Variants in SNX10 observed in about 807,000 individuals in gnomAD.
The protein encoded by SNX10 is sorting nexin-10.
SNX10 carries 25 observed loss-of-function variants against 28.5 expected under a neutral mutation model. The ratio of observed to expected loss-of-function variants is 0.88; its 90% CI spans 0.64 to 1.22. The LOEUF is 1.22. Ranked by LOEUF, SNX10 falls within the 50% of genes most tolerant of loss-of-function variation. The pLI is 0.00. For missense variants in SNX10, 223 were observed against 242.6 expected (o/e 0.92, Z 0.54); for synonymous variants, 62 against 81.4 (o/e 0.76, Z 1.28).
At chr7:26,295,024 A>G (rs1786057812) in intron 1 of SNX10, among the ~76,000 whole-genome samples, 1 of 152,216 alleles carries the variant, frequency 6.6e-6, no homozygotes, top group Admixed American at 6.5e-5. Flanking sequence ...CCTTGCTCCC[A>G]GTTTCTGCAG....
At chr7:26,302,819 C>T (rs925948380) in intron 1 of SNX10, among the ~76,000 whole-genome samples, 6 of 152,062 alleles carry the variant, frequency 3.9e-5, no homozygotes, top group Non-Finnish European at 7.4e-5. Context: ...GAGGCCGAGG[C>T]GGGTGGATCA....
intron 1 of SNX10, among the ~76,000 whole-genome samples, chr7:26,310,827 C>T (rs1438532135): frequency 2.0e-5 from 3 of 151,974 alleles, no homozygotes; most frequent in African/African-American, 4.8e-5. Flanking sequence ...GAACTACAGG[C>T]GCCTGCCACC....
chr7:26,342,313 C>T lies in SNX10; in HGVS notation c.-23-4107C>T, dbSNP rs566369253. Reference sequence around the variant, plus strand: ...AAGTGTTGGGATTACAGGCGTGAGCCACTGCGCCTGGCCTCAGGGAGCAAT... The same window carrying T: ...AAGTGTTGGGATTACAGGCGTGAGCTACTGCGCCTGGCCTCAGGGAGCAAT... On this transcript the variant is annotated intron_variant, in intron 1 of 6. Transcript: ENST00000338523. Among the ~76,000 whole-genome samples, 11 of 152,172 alleles carry T rather than the reference C, an allele frequency of 7.2e-5. No individual in the cohort carries two copies. In the South Asian group the frequency reaches 2.1e-3, roughly 29 times the overall value.
intron 1 of SNX10, among the ~76,000 whole-genome samples, chr7:26,343,954 A>G (rs1267746889): frequency 6.6e-6 from 1 of 152,086 alleles, no homozygotes; most frequent in Non-Finnish European, 1.5e-5. Context: ...CCATTCTTTA[A>G]AGTTTTGTTT....
chr7:26,338,858 A>T lies in SNX10; in HGVS notation c.-23-7562A>T, dbSNP rs555018707. ...GGGATGGCAGAACTGCTTGAGCCAGATTACCACTCTGGGTGATATCAGCTG... is the reference window on the plus strand; with the variant it reads ...GGGATGGCAGAACTGCTTGAGCCAGTTTACCACTCTGGGTGATATCAGCTG... On this transcript the variant is annotated intron_variant, in intron 1 of 6. Transcript: ENST00000338523. 4.6e-5 allele frequency among the ~76,000 whole-genome samples: 7 copies of T among 152,262 alleles called. No individual in the cohort carries two copies. In the South Asian group the frequency reaches 1.5e-3, roughly 32 times the overall value.
chr7:26,340,789 C>T (rs1023995195), intron 1 of SNX10, among the ~76,000 whole-genome samples: 3 of 152,166 alleles, frequency 2.0e-5, no homozygotes, highest in African/African-American at 7.2e-5. Context: ...ATTTTAGAGA[C>T]AGAGTCTCGC....
intron 2 of SNX10, among the ~76,000 whole-genome samples, chr7:26,353,743 C>T (rs1354535206): frequency 2.0e-5 from 3 of 152,274 alleles, no homozygotes; most frequent in African/African-American, 4.8e-5. Flanking sequence ...TGAGCCACCA[C>T]GCCCAGCCCA....
intron 2 of SNX10, chr7:26,360,654 C>A: frequency 7.3e-6 from 2 of 273,658 alleles, no homozygotes; most frequent in South Asian, 6.3e-5. Context: ...TGAAAAAAAC[C>A]TGAACCAATT....
intron 1 of SNX10, among the ~76,000 whole-genome samples, chr7:26,325,716 G>A (rs904498162): frequency 6.4e-5 from 9 of 140,230 alleles, no homozygotes; most frequent in African/African-American, 2.2e-4. Flanking sequence ...TGAAGTATAC[G>A]AAACAAAATT....
intron 2 of SNX10, among the ~76,000 whole-genome samples, chr7:26,353,392 TG>T (rs1475356212): frequency 6.6e-6 from 1 of 150,766 alleles, no homozygotes; most frequent in Non-Finnish European, 1.5e-5. Flanking sequence ...AATTGTTATA[TG>T]GGGGTCCTGA....
At position 26,372,524 on chromosome 7, in the gene SNX10, C is replaced by T. The variant is rs530438049; in HGVS notation, c.558C>T (p.Asp186=). 1.9e-6 allele frequency: 3 copies of T among 1,609,658 alleles called. No homozygotes were observed. Among genetic ancestry groups the T allele is most frequent in the African/African-American group, 2.7e-5 (2 of 74,920 alleles). ...SSSGLGHSSD[D]SSSHGCKVNT... ...CTGGGCTTGGACACAGTAGTGATGACAGCAGTTCACATGGATGTAAAGTAA... is the reference window on the plus strand; with the variant it reads ...CTGGGCTTGGACACAGTAGTGATGATAGCAGTTCACATGGATGTAAAGTAA... Residue 186 remains aspartate, a synonymous_variant, in exon 7 of 7, where the codon GAC becomes GAT. Transcript: ENST00000338523.
At chr7:26,352,548 C>T (rs972613061) in intron 2 of SNX10, among the ~76,000 whole-genome samples, 2 of 152,140 alleles carry the variant, frequency 1.3e-5, no homozygotes, top group African/African-American at 4.8e-5. Flanking sequence ...GAGCTATATC[C>T]CCACCCCACC....
chr7:26,368,684 A>G (rs540471665), intron 5 of SNX10, among the ~76,000 whole-genome samples: 2 of 152,298 alleles, frequency 1.3e-5, no homozygotes, highest in East Asian at 3.9e-4. Context: ...CTAGTGTTGA[A>G]CCATGACAGC....
At chr7:26,367,918 T>C (rs1029764198) in intron 5 of SNX10, among the ~76,000 whole-genome samples, 1 of 152,234 alleles carries the variant, frequency 6.6e-6, no homozygotes, top group East Asian at 1.9e-4. Context: ...ATGTGAGTTT[T>C]GAAGTTATGA....
chr7:26,371,007 T>C (rs907864991), intron 5 of SNX10, among the ~76,000 whole-genome samples: 1 of 152,222 alleles, frequency 6.6e-6, no homozygotes, highest in African/African-American at 2.4e-5. Flanking sequence ...GAAAACACAT[T>C]CACTAATATG....
At chr7:26,346,657 G>A (rs1049702479) in intron 2 of SNX10, among the ~76,000 whole-genome samples, 191 bp downstream of exon 2, 1 of 152,116 alleles carries the variant, frequency 6.6e-6, no homozygotes, top group East Asian at 1.9e-4. Context: ...GGGTTCCAGT[G>A]ACTCAGCTGT....
At chr7:26,331,984 A>G (rs1787766999) in intron 1 of SNX10, among the ~76,000 whole-genome samples, 1 of 152,236 alleles carries the variant, frequency 6.6e-6, no homozygotes, top group South Asian at 2.1e-4. Context: ...GAGTAGATAT[A>G]CCGCATTTTG....
At chr7:26,363,093 C>T (rs76380948) in intron 3 of SNX10, among the ~76,000 whole-genome samples, 1 of 152,320 alleles carries the variant, frequency 6.6e-6, no homozygotes, top group East Asian at 1.9e-4. Context: ...TCTGGTATAA[C>T]ATGGTCTGCA....
At chr7:26,294,380 C>A (rs1268343303) in intron 1 of SNX10, among the ~76,000 whole-genome samples, 1 of 152,208 alleles carries the variant, frequency 6.6e-6, no homozygotes, top group African/African-American at 2.4e-5. Context: ...ACTTAACACT[C>A]TCTGAGTTGC....
Sources: allele counts gnomAD v4.1 joint callset (sites outside exome capture counted in the v4.1 genomes callset), GRCh38; gene constraint gnomAD v4.1.1; transcripts MANE v1.5; gene names NCBI Gene and HGNC (gene_info 2026-07-23, HGNC 2026-07-21).